ZNF560: variants seen among roughly 807,000 people sequenced by gnomAD.
ZNF560 encodes zinc finger protein 560.
ZNF560 carries 54 observed loss-of-function variants against 81.8 expected under a neutral mutation model. The observed-to-expected ratio is 0.66, with a 90% CI of 0.53 to 0.83. The LOEUF (loss-of-function observed/expected upper bound fraction) is 0.83, where lower values mean the gene tolerates loss of function less well. ZNF560 is among the 40% of genes least tolerant of loss of function. The probability of loss-of-function intolerance (pLI) is 0.00; values close to 1 mark genes in which losing one functional copy is unlikely to be tolerated. For missense variants in ZNF560, 940 were observed against 932.4 expected (o/e 1.01, Z -0.11); for synonymous variants, 321 against 317.9 (o/e 1.01, Z -0.10).
chr19:9,469,145 T>C lies in ZNF560; in HGVS notation c.572A>G (p.Gln191Arg). The stretch of plus-strand genomic sequence containing the variant: ...TAATGTTTTTAAACAAAAATTATCT[T>C]GCCAAAGGGCTGGCCCTTTGGTTTT... ...CLKTKGPALW[Q>R]DNFCLKTLNG... Residue 191 changes from glutamine (Q) to arginine (R), a missense_variant, in exon 9 of 10, where the codon CAA (glutamine) becomes CGA (arginine). By Grantham distance (43) the Gln-to-Arg change is conservative (BLOSUM62 1). Transcript: ENST00000301480. The C allele has an allele frequency of 6.3e-7, 1 of 1,599,060 alleles. No homozygotes were observed. Among genetic ancestry groups the C allele is most frequent in the Non-Finnish European group, 8.5e-7 (1 of 1,174,452 alleles).
At chr19:9,475,665 G>A (rs993301066) in intron 2 of ZNF560, among the ~76,000 whole-genome samples, 21 of 149,910 alleles carry the variant, frequency 1.4e-4, no homozygotes, top group African/African-American at 4.7e-4. Flanking sequence ...GGAGTGCAGT[G>A]GCACGATCTC....
At chr19:9,487,443 T>C (rs1451675329) in intron 2 of ZNF560, among the ~76,000 whole-genome samples, 1 of 152,222 alleles carries the variant, frequency 6.6e-6, no homozygotes, top group African/African-American at 2.4e-5. Context: ...ACTAAGTCAC[T>C]TTTGTGGGAT....
chr19:9,505,617 T>C, the ZNF560 span, among the ~76,000 whole-genome samples: 1 of 152,226 alleles, frequency 6.6e-6, no homozygotes, highest in Non-Finnish European at 1.5e-5. Flanking sequence ...ACTGCTGATT[T>C]TTTTGTGTTT....
At chr19:9,449,987 A>AAAC in the ZNF560 span, among the ~76,000 whole-genome samples, 2 of 147,474 alleles carry the variant, frequency 1.4e-5, no homozygotes, top group Non-Finnish European at 3.0e-5. Flanking sequence ...AAAAAAAAAA[A>AAAC]AAAAAAAAAA....
chr19:9,449,122 C>CT, the ZNF560 span, among the ~76,000 whole-genome samples: 4 of 152,180 alleles, frequency 2.6e-5, no homozygotes, highest in Non-Finnish European at 5.9e-5. Context: ...AAATTCTGGA[C>CT]TTCAATTTGA....
At chr19:9,463,369 A>G, downstream of ZNF560, among the ~76,000 whole-genome samples, 1 of 152,192 alleles carries the variant, frequency 6.6e-6, no homozygotes, top group East Asian at 1.9e-4. Context: ...CACCAGGATG[A>G]GGCCAACCTA....
At chr19:9,504,450 T>TA in the ZNF560 span, among the ~76,000 whole-genome samples, 3 of 151,728 alleles carry the variant, frequency 2.0e-5, no homozygotes, top group Non-Finnish European at 4.4e-5. Context: ...AAATAAAAAT[T>TA]AAAAAAAATA....
chr19:9,466,345 A>G (rs1012419238), downstream of ZNF560, among the ~76,000 whole-genome samples: 1 of 146,040 alleles, frequency 6.8e-6, no homozygotes, highest in Non-Finnish European at 1.5e-5. Flanking sequence ...GACTCATCAA[A>G]AAAAAAAAAA....
chr19:9,497,914 T>C (rs556269632), intron 2 of ZNF560, among the ~76,000 whole-genome samples: 62 of 152,276 alleles, frequency 4.1e-4, no homozygotes, highest in South Asian at 8.3e-4. Flanking sequence ...GTTTCTTTAG[T>C]AGAAAGACTC....
At position 9,470,557 on chromosome 19, in the gene ZNF560, A is replaced by T. The variant is rs780013287; in HGVS notation, c.322-39T>A. 5 of 1,614,024 alleles carry T rather than the reference A, an allele frequency of 3.1e-6. No individual in the cohort carries two copies. In the Admixed American group the frequency reaches 6.7e-5, roughly 22 times the overall value. ...CACATGCTGATTTGAGCCAAGCAAC[A>T]TCTCCACCAATGTTGGCTGAAGAAT... On this transcript the variant is annotated intron_variant, in intron 6 of 9. Transcript: ENST00000301480.
chr19:9,488,243 T>C lies in ZNF560; in HGVS notation c.-57+9885A>G, dbSNP rs546308383. Among the ~76,000 whole-genome samples, 5 of 152,272 alleles carry C rather than the reference T, an allele frequency of 3.3e-5. No homozygotes were observed. The East Asian group carries it at 7.7e-4, about 23-fold the overall frequency. ...CATGTTTTGCCGCAACACGTGAGCC[T>C]CATCAGAAGTAGAGCAGATGCTGGG... is the stretch of plus-strand genomic sequence containing the variant. On this transcript the variant is annotated intron_variant, in intron 2 of 9. Transcript: ENST00000301480.
At chr19:9,485,790 T>C (rs1250864147) in intron 2 of ZNF560, among the ~76,000 whole-genome samples, 2 of 151,976 alleles carry the variant, frequency 1.3e-5, no homozygotes, top group Non-Finnish European at 2.9e-5. Flanking sequence ...CCCGCTTCTA[T>C]CTCCCAAAGT....
At chr19:9,446,171 A>G in the ZNF560 span, among the ~76,000 whole-genome samples, 1 of 152,124 alleles carries the variant, frequency 6.6e-6, no homozygotes, top group Non-Finnish European at 1.5e-5. Flanking sequence ...CAGAAGGGGT[A>G]AAACTAGTAA....
At chr19:9,457,000 A>G in the ZNF560 span, among the ~76,000 whole-genome samples, 1 of 152,194 alleles carries the variant, frequency 6.6e-6, no homozygotes, top group Non-Finnish European at 1.5e-5. Context: ...ACCATTTTTG[A>G]TGGTAAGCCT....
intron 2 of ZNF560, among the ~76,000 whole-genome samples, chr19:9,482,396 G>A (rs909143194): frequency 4.0e-5 from 6 of 149,586 alleles, no homozygotes; most frequent in African/African-American, 9.9e-5. Context: ...CACATTGTAC[G>A]CATGTACCTT....
chr19:9,502,069 G>A (rs1004617274), upstream of ZNF560, among the ~76,000 whole-genome samples: 12 of 151,720 alleles, frequency 7.9e-5, no homozygotes, highest in Non-Finnish European at 1.5e-4. Flanking sequence ...CAGGAGAATC[G>A]CTTGAACTCG....
At chr19:9,504,547 T>A in the ZNF560 span, among the ~76,000 whole-genome samples, 1 of 152,254 alleles carries the variant, frequency 6.6e-6, no homozygotes, top group East Asian at 1.9e-4. Context: ...GTTCTCATGA[T>A]ATCAGATGGA....
At chr19:9,481,085 A>G (rs1449005738) in intron 2 of ZNF560, among the ~76,000 whole-genome samples, 10 of 51,978 alleles carry the variant, frequency 1.9e-4, no homozygotes, top group Admixed American at 1.3e-3. Context: ...ATTATCTGAA[A>G]AAAAAAAAAA....
intron 2 of ZNF560, among the ~76,000 whole-genome samples, chr19:9,477,222 T>C (rs2073216519): frequency 6.6e-6 from 1 of 152,066 alleles, no homozygotes; most frequent in South Asian, 2.1e-4. Flanking sequence ...CATATATACA[T>C]ATATATATGC....
Sources: gnomAD v4.1 joint callset for allele counts (sites outside exome capture counted in the v4.1 genomes callset) on GRCh38, gnomAD v4.1.1 for gene constraint, MANE v1.5 for transcripts, NCBI Gene and HGNC (gene_info 2026-07-23, HGNC 2026-07-21) for gene names.